The following MGAT4A variants were observed in gnomAD, a reference collection of about 807,000 sequenced individuals.
The protein encoded by MGAT4A is N-acetylglucosaminyltransferase IVa.
Under a neutral mutation model 74.1 loss-of-function variants are expected in MGAT4A, and 33 were observed. The observed-to-expected ratio is 0.45, with a 90% confidence interval of 0.34 to 0.60. MGAT4A has a LOEUF of 0.60. Ranked by LOEUF, MGAT4A falls within the 20% of genes least tolerant of loss-of-function variation. The pLI, the probability that MGAT4A is intolerant of heterozygous loss-of-function variation, is 0.02. For missense variants in MGAT4A, 479 were observed against 628.3 expected (o/e 0.76, Z 2.54); for synonymous variants, 198 against 210.4 (o/e 0.94, Z 0.51).
chr2:98,688,102 A>C (rs1413050071), intron 2 of MGAT4A, among the ~76,000 whole-genome samples: 3 of 152,124 alleles, frequency 2.0e-5, no homozygotes, highest in Admixed American at 1.3e-4. Flanking sequence ...CTTAACCCTC[A>C]GTATGTCACC....
intron 12 of MGAT4A, 32 bp from the exon 13 acceptor site, chr2:98,636,627 A>T (rs760461370): frequency 1.3e-6 from 2 of 1,568,870 alleles, no homozygotes; most frequent in Non-Finnish European, 1.8e-6. Flanking sequence ...TAAAAACACA[A>T]GTCGGGCTAG....
chr2:98,693,679 C>CAA lies in MGAT4A; in HGVS notation c.95-15210_95-15209dup, dbSNP rs202080554. 8.8e-3 allele frequency among the ~76,000 whole-genome samples: 892 copies of CAA among 101,422 alleles called. 8 individuals carry two copies. The highest frequency in any genetic ancestry group is 0.018 in the African/African-American group (453 of 25,276). 66.5% of individuals were successfully genotyped at this position (101,422 alleles called of 152,430 possible). A position where few individuals can be genotyped will look rare whatever the true frequency, so the allele number is the denominator to read the frequency against. ...GCTGTGACAGAGTGAGAGCTTCTCT[C>CAA]AAAAAAAAAAAAAAAAAGATCAACT... is the stretch of plus-strand genomic sequence containing the variant. On this transcript the variant is annotated intron_variant, in intron 2 of 15. Coordinates refer to ENST00000393487, the MANE Select transcript of MGAT4A (RefSeq NM_012214.3).
At chr2:98,703,059 T>G (rs559313257) in intron 2 of MGAT4A, among the ~76,000 whole-genome samples, 1 of 152,358 alleles carries the variant, frequency 6.6e-6, no homozygotes, top group South Asian at 2.1e-4. Context: ...AAGTGGTCTC[T>G]GAGTATTCCC....
intron 8 of MGAT4A, among the ~76,000 whole-genome samples, chr2:98,650,927 G>A (rs1031597717): frequency 3.3e-5 from 5 of 151,884 alleles, no homozygotes; most frequent in Middle Eastern, 3.4e-3. Context: ...CAGCCTGGGC[G>A]ACAGAGCAAG....
intron 2 of MGAT4A, among the ~76,000 whole-genome samples, chr2:98,679,181 C>T (rs971644806): frequency 1.8e-4 from 27 of 151,918 alleles, no homozygotes; most frequent in African/African-American, 5.1e-4. Flanking sequence ...CCGAGGTGGG[C>T]GGATCACGAG....
chr2:98,671,362 C>T (rs1184408087), intron 4 of MGAT4A, among the ~76,000 whole-genome samples: 1 of 152,178 alleles, frequency 6.6e-6, no homozygotes, highest in Non-Finnish European at 1.5e-5. Context: ...AAATTTAAAT[C>T]TTATCAAGTC....
chr2:98,713,631 T>C (rs1293103422), intron 2 of MGAT4A, among the ~76,000 whole-genome samples: 1 of 151,664 alleles, frequency 6.6e-6, no homozygotes, highest in Non-Finnish European at 1.5e-5. Context: ...GAAGCATAAA[T>C]CAGAAAATAG....
chr2:98,667,701 T>G (rs1701855671), intron 4 of MGAT4A, among the ~76,000 whole-genome samples: 1 of 149,096 alleles, frequency 6.7e-6, no homozygotes, highest in African/African-American at 2.5e-5. Context: ...CAGTTTTTGT[T>G]GTTGTTGTTG....
At position 98,623,587 on chromosome 2, in the gene MGAT4A, T is replaced by C. The variant is rs1347305698; in HGVS notation, c.*1979A>G. Reference sequence around the variant, plus strand: ...CAAGGAAATTTGAGAAGAAAAAAATTCAAGAAAGTGAAAAGTAAATTTAAA... The same window carrying C: ...CAAGGAAATTTGAGAAGAAAAAAATCCAAGAAAGTGAAAAGTAAATTTAAA... On this transcript the variant is annotated 3_prime_UTR_variant, in exon 16 of 16. Coordinates refer to ENST00000393487, the MANE Select transcript of MGAT4A (RefSeq NM_012214.3). 8 of 985,138 alleles carry C rather than the reference T, an allele frequency of 8.1e-6. No individual in the cohort carries two copies. The highest frequency in any genetic ancestry group is 9.6e-6 in the Non-Finnish European group (8 of 829,826). 61.0% of individuals were successfully genotyped at this position (985,138 alleles called of 1,614,324 possible).
intron 2 of MGAT4A, among the ~76,000 whole-genome samples, chr2:98,690,593 T>G (rs1702182587): frequency 6.6e-6 from 1 of 152,100 alleles, no homozygotes; most frequent in African/African-American, 2.4e-5. Flanking sequence ...CCAAAATGCC[T>G]TGGACACAAC....
intron 3 of MGAT4A, among the ~76,000 whole-genome samples, chr2:98,675,574 T>C: frequency 6.7e-6 from 1 of 149,288 alleles, no homozygotes; most frequent in African/African-American, 2.5e-5. Context: ...TGTGACAGGG[T>C]CTTGCTCTGT....
chr2:98,669,954 T>G (rs1053279252), intron 4 of MGAT4A, among the ~76,000 whole-genome samples: 1 of 152,192 alleles, frequency 6.6e-6, no homozygotes, highest in African/African-American at 2.4e-5. Context: ...GATCCCTGCA[T>G]GACTGGTCAA....
chr2:98,632,726 G>C (rs555240441), intron 14 of MGAT4A, among the ~76,000 whole-genome samples: 21 of 152,152 alleles, frequency 1.4e-4, no homozygotes, highest in Non-Finnish European at 2.1e-4. Context: ...CTTGCTTTAG[G>C]ATCAGAGCAC....
chr2:98,656,127 A>G (rs1701657139), intron 7 of MGAT4A: 1 of 451,292 alleles, frequency 2.2e-6, no homozygotes, highest in Non-Finnish European at 3.9e-6. Flanking sequence ...AGTGGATCTA[A>G]AAGCTAGTTT....
intron 4 of MGAT4A, chr2:98,663,580 G>C: frequency 2.7e-6 from 2 of 742,320 alleles, no homozygotes; most frequent in Non-Finnish European, 3.8e-6. Flanking sequence ...GGTTGTTCTT[G>C]CCAACAATGC....
At chr2:98,660,531 C>T (rs1420667232) in intron 5 of MGAT4A, among the ~76,000 whole-genome samples, 3 of 151,134 alleles carry the variant, frequency 2.0e-5, no homozygotes, top group African/African-American at 7.3e-5. Context: ...TCAAACTATA[C>T]TATGAAGCTA....
chr2:98,727,728 C>T (rs571228566), intron 1 of MGAT4A, among the ~76,000 whole-genome samples: 2 of 152,324 alleles, frequency 1.3e-5, no homozygotes, highest in Non-Finnish European at 2.9e-5. Flanking sequence ...GAAATTGCCA[C>T]CACCACTGCT....
rs1418146113 is a variant in MGAT4A at position 98,622,152 on chromosome 2, A to G, written c.*3414T>C. 20 of 985,340 alleles carry G rather than the reference A, an allele frequency of 2.0e-5. No individual in the cohort carries two copies. The highest frequency in any genetic ancestry group is 2.4e-5 in the Non-Finnish European group (20 of 829,950). 61.0% of individuals were successfully genotyped at this position (985,340 alleles called of 1,614,324 possible). A position where few individuals can be genotyped will look rare whatever the true frequency, so the allele number is the denominator to read the frequency against. On this transcript the variant is annotated 3_prime_UTR_variant, in exon 16 of 16. Coordinates refer to ENST00000393487, the MANE Select transcript of MGAT4A (RefSeq NM_012214.3). ...CTTTCTCTTCTCACCCAAAATATTC[A>G]TCATCATTTGCATTATGTTCTATTC...
chr2:98,632,971 G>T (rs750379403), intron 14 of MGAT4A, among the ~76,000 whole-genome samples: 1 of 152,140 alleles, frequency 6.6e-6, no homozygotes. Context: ...TGTTGGCCAG[G>T]CTAGTCTTGA....
Sources: allele counts gnomAD v4.1 joint callset (sites outside exome capture counted in the v4.1 genomes callset), GRCh38; gene constraint gnomAD v4.1.1; transcripts MANE v1.5; gene names NCBI Gene and HGNC (gene_info 2026-07-23, HGNC 2026-07-21).